PRKG1: variants seen among roughly 807,000 people sequenced by gnomAD.
PRKG1 encodes cGMP-dependent protein kinase 1.
PRKG1 carries 35 observed loss-of-function variants against 88.1 expected under a neutral mutation model. The ratio of observed to expected loss-of-function variants is 0.40; its 90% confidence interval spans 0.30 to 0.53. The LOEUF (loss-of-function observed/expected upper bound fraction) is 0.53, where lower values mean the gene tolerates loss of function less well. PRKG1 is among the 20% of genes least tolerant of loss of function. The pLI is 0.59. For missense variants in PRKG1, 540 were observed against 839.8 expected (o/e 0.64, Z 4.41); for synonymous variants, 303 against 292.5 (o/e 1.04, Z -0.37).
chr10:51,709,227 G>A (rs1262715113), intron 3 of PRKG1, among the ~76,000 whole-genome samples: 1 of 152,170 alleles, frequency 6.6e-6, no homozygotes, highest in African/African-American at 2.4e-5. Flanking sequence ...TTTTTAGAAA[G>A]TTCCCACCAT....
At chr10:51,825,329 C>G (rs896275673) in intron 4 of PRKG1, among the ~76,000 whole-genome samples, 1 of 152,154 alleles carries the variant, frequency 6.6e-6, no homozygotes, top group African/African-American at 2.4e-5. Context: ...CTACCAAGCT[C>G]TTTCCCCTTT....
intron 3 of PRKG1, among the ~76,000 whole-genome samples, chr10:51,712,099 T>C (rs1486440521): frequency 2.6e-5 from 4 of 152,178 alleles, no homozygotes; most frequent in Non-Finnish European, 5.9e-5. Flanking sequence ...CAAACATGTG[T>C]AATTTTATGC....
intron 1 of PRKG1, among the ~76,000 whole-genome samples, chr10:51,129,460 CAAAGAAAAAAAA>C (rs1196406991): frequency 2.0e-5 from 3 of 147,576 alleles, no homozygotes; most frequent in African/African-American, 7.6e-5. Flanking sequence ...AATAAATAAA[CAAAGAAAAAAAA>C]AAAGAAAAAG....
At chr10:51,392,278 G>A (rs1299104017) in intron 2 of PRKG1, among the ~76,000 whole-genome samples, 1 of 151,960 alleles carries the variant, frequency 6.6e-6, no homozygotes, top group Non-Finnish European at 1.5e-5. Flanking sequence ...GGACCCTGCG[G>A]CCTTCCGCAG....
At position 52,294,421 on chromosome 10, in the gene PRKG1, G is replaced by T. The variant is rs962822918; in HGVS notation, c.*521G>T. ...CACATCTGTTGGTCACAGAGTTCAT[G>T]TCACACCAGTGCTAGAAGTTTCATG... On this transcript the variant is annotated 3_prime_UTR_variant, in exon 18 of 18. Coordinates refer to ENST00000373980, the MANE Select transcript of PRKG1 (RefSeq NM_006258.4). The T allele has an allele frequency of 6.6e-6, 1 of 152,372 alleles. No homozygotes were observed. Among genetic ancestry groups the T allele is most frequent in the African/African-American group, 2.4e-5 (1 of 41,448 alleles). 9.4% of individuals were successfully genotyped at this position (152,372 alleles called of 1,614,324 possible).
chr10:51,144,333 T>C (rs1845889223), intron 1 of PRKG1, among the ~76,000 whole-genome samples: 1 of 152,144 alleles, frequency 6.6e-6, no homozygotes, highest in Non-Finnish European at 1.5e-5. Flanking sequence ...CTTTAAATCC[T>C]GACTCTACCT....
At chr10:51,018,194 G>A (rs1027055477) in intron 1 of PRKG1, among the ~76,000 whole-genome samples, 1 of 152,052 alleles carries the variant, frequency 6.6e-6, no homozygotes, top group African/African-American at 2.4e-5. Flanking sequence ...TCCAAATGAA[G>A]AACTTATCTT....
chr10:51,926,318 G>A (rs749535446), intron 5 of PRKG1, among the ~76,000 whole-genome samples: 3 of 152,118 alleles, frequency 2.0e-5, no homozygotes, highest in Non-Finnish European at 4.4e-5. Flanking sequence ...TTGAAGGAGT[G>A]TAAGTTTGGA....
chr10:52,151,783 G>GA (rs1837934793), intron 8 of PRKG1, among the ~76,000 whole-genome samples: 1 of 152,150 alleles, frequency 6.6e-6, no homozygotes, highest in African/African-American at 2.4e-5. Flanking sequence ...CCTAAACACT[G>GA]AAAAGGCTAA....
chr10:51,266,891 A>G (rs1839849160), intron 2 of PRKG1, among the ~76,000 whole-genome samples: 2 of 152,004 alleles, frequency 1.3e-5, no homozygotes, highest in African/African-American at 4.8e-5. Flanking sequence ...TAGTTATAAC[A>G]TTTCTTATAG....
Position 52,001,375 on chromosome 10 carries a change from AAC to A in PRKG1, c.763-53107_763-53106del, listed in dbSNP as rs796110988. ...AAGTGTTCTCACCATAAAAAAAAAA[AAC>A]ATAACTATGTGAGGTGATGCATATG... On this transcript the variant is annotated intron_variant, in intron 5 of 17. Transcript: ENST00000373980. Among the ~76,000 whole-genome samples, 4 of 152,052 alleles carry A rather than the reference AAC, an allele frequency of 2.6e-5. No individual in the cohort carries two copies. The South Asian group carries it at 8.3e-4, about 32-fold the overall frequency.
At chr10:51,921,159 C>A (rs1304270906) in intron 5 of PRKG1, among the ~76,000 whole-genome samples, 1 of 152,002 alleles carries the variant, frequency 6.6e-6, no homozygotes. Context: ...CTTTTACTGT[C>A]TCAGTAGTTT....
intron 3 of PRKG1, among the ~76,000 whole-genome samples, chr10:51,621,415 C>T (rs1000474374): frequency 7.2e-5 from 11 of 151,842 alleles, no homozygotes; most frequent in African/African-American, 2.4e-4. Context: ...TTATTTAATG[C>T]AATTGCATTA....
intron 2 of PRKG1, among the ~76,000 whole-genome samples, chr10:51,424,468 G>T (rs1338174310): frequency 6.6e-6 from 1 of 151,926 alleles, no homozygotes; most frequent in Non-Finnish European, 1.5e-5. Context: ...AATCTTAATA[G>T]GTACCTGTGT....
Position 51,214,887 on chromosome 10 carries a change from A to G in PRKG1, c.478+61557A>G, listed in dbSNP as rs143956760. ...GGACCTCTGCCCAATATCTTTACAC[A>G]GAAACCCACAGAAGACTCACTCTTG... On this transcript the variant is annotated intron_variant, in intron 2 of 17. Coordinates refer to ENST00000373980, the MANE Select transcript of PRKG1 (RefSeq NM_006258.4). 1.1e-4 allele frequency among the ~76,000 whole-genome samples: 17 copies of G among 152,308 alleles called. No homozygotes were observed. The East Asian group carries it at 3.1e-3, about 28-fold the overall frequency.
intron 1 of PRKG1, among the ~76,000 whole-genome samples, chr10:51,063,201 C>T (rs905007841): frequency 1.3e-5 from 2 of 152,080 alleles, no homozygotes; most frequent in East Asian, 1.9e-4. Context: ...TTAATAGTGC[C>T]GTTCATTACC....
chr10:51,096,738 A>G (rs1023337469), intron 1 of PRKG1, among the ~76,000 whole-genome samples: 1 of 152,156 alleles, frequency 6.6e-6, no homozygotes, highest in African/African-American at 2.4e-5. Flanking sequence ...ACACAAGATT[A>G]TATGTGTAAA....
At chr10:51,194,801 G>A (rs1837720429) in intron 2 of PRKG1, among the ~76,000 whole-genome samples, 1 of 152,118 alleles carries the variant, frequency 6.6e-6, no homozygotes, top group Admixed American at 6.6e-5. Flanking sequence ...GAGCCTTCTT[G>A]TTGCATCATC....
intron 8 of PRKG1, among the ~76,000 whole-genome samples, chr10:52,155,859 T>C (rs1410318224): frequency 2.0e-5 from 3 of 151,942 alleles, no homozygotes; most frequent in Non-Finnish European, 4.4e-5. Flanking sequence ...TATATGGACA[T>C]ATTAGACATG....
Sources: gnomAD v4.1 joint callset for allele counts (sites outside exome capture counted in the v4.1 genomes callset) on GRCh38, gnomAD v4.1.1 for gene constraint, MANE v1.5 for transcripts, NCBI Gene and HGNC (gene_info 2026-07-23, HGNC 2026-07-21) for gene names.